Variants in CUX1 observed in about 807,000 individuals in gnomAD.
CUX1 encodes protein CASP.
CUX1 carries 31 observed loss-of-function variants against 158.8 expected under a neutral mutation model. That is an observed-to-expected ratio of 0.20 (90% confidence interval 0.15 to 0.26). CUX1 has a LOEUF of 0.26. Ranked by LOEUF, CUX1 falls within the 10% of genes least tolerant of loss-of-function variation. The pLI is 1.00. For missense variants in CUX1, 1,589 were observed against 2,014.6 expected, an observed-to-expected ratio of 0.79 and a Z score of 4.04; for synonymous variants, 879 against 862.1, an observed-to-expected ratio of 1.02 and a Z score of -0.34.
At chr7:101,947,782 C>G (rs1276617565) in intron 2 of CUX1, among the ~76,000 whole-genome samples, 2 of 151,944 alleles carry the variant, frequency 1.3e-5, no homozygotes, top group Non-Finnish European at 2.9e-5. Flanking sequence ...TGGATGTAGA[C>G]AAAAATGACT....
intron 18 of CUX1, among the ~76,000 whole-genome samples, chr7:102,279,278 T>C (rs1791870064): frequency 6.6e-6 from 1 of 151,934 alleles, no homozygotes; most frequent in South Asian, 2.1e-4. Context: ...GAGGTGGAGG[T>C]TGCAGTGAGC....
chr7:102,181,727 G>A (rs535206497), intron 11 of CUX1, among the ~76,000 whole-genome samples: 1 of 152,236 alleles, frequency 6.6e-6, no homozygotes, highest in South Asian at 2.1e-4. Flanking sequence ...CTTGTTGCCA[G>A]ATTGTCCTGA....
At position 101,923,609 on chromosome 7, in the gene CUX1, C is replaced by G. The variant is rs375665068; in HGVS notation, c.141+7384C>G. Among the ~76,000 whole-genome samples the G allele has an allele frequency of 1.1e-4, 16 of 152,322 alleles. No homozygotes were observed. In the East Asian group the frequency reaches 2.7e-3, roughly 26 times the overall value. ...GGGGCCGTCACTGGTCATTTTTGCC[C>G]TGATGTATTTTTGCCTCTACATTTC... On this transcript the variant is annotated intron_variant, in intron 2 of 23. Transcript: ENST00000292535.
chr7:102,074,367 C>T (rs750190861), intron 4 of CUX1, among the ~76,000 whole-genome samples: 4 of 152,222 alleles, frequency 2.6e-5, no homozygotes, highest in Admixed American at 2.6e-4. Context: ...GCCAAGCTGG[C>T]CCCAGGAACA....
downstream of CUX1, among the ~76,000 whole-genome samples, chr7:102,259,431 T>TA: frequency 6.6e-6 from 1 of 152,020 alleles, no homozygotes; most frequent in East Asian, 1.9e-4. Flanking sequence ...CTACTAAAAA[T>TA]ACAAAAATTA....
chr7:101,877,756 TTGTGTGTGTGTG>T (rs112494807), intron 1 of CUX1, among the ~76,000 whole-genome samples: 65,087 of 148,710 alleles, frequency 0.44, 14,579 homozygotes, highest in Middle Eastern at 0.49. Flanking sequence ...ATCCCTCCAA[TTGTGTGTGTGTG>T]TGTGTGTGTG....
At chr7:102,189,957 C>G in intron 12 of CUX1, 86 bp downstream of exon 12, 1 of 1,432,330 alleles carries the variant, frequency 7.0e-7, no homozygotes. Flanking sequence ...GGCAGGAAGC[C>G]TTGGCCCCCT....
chr7:102,141,130 A>C (rs1585874004), intron 8 of CUX1, among the ~76,000 whole-genome samples: 1 of 152,006 alleles, frequency 6.6e-6, no homozygotes, highest in Non-Finnish European at 1.5e-5. Context: ...CTAACACTTC[A>C]CAAGCAGAAT....
chr7:101,969,359 C>CAAAAAAAAAAAAAAAAAAAAAAAAACCAG (rs10711703), intron 2 of CUX1, among the ~76,000 whole-genome samples: 1 of 56,112 alleles, frequency 1.8e-5, no homozygotes. Flanking sequence ...CAAAAAACAG[C>CAAAAAAAAAAAAAAAAAAAAAAAAACCAG]AAAAAAAAAA....
chr7:102,007,075 G>A (rs921182772), intron 2 of CUX1, among the ~76,000 whole-genome samples: 4 of 152,088 alleles, frequency 2.6e-5, no homozygotes, highest in Middle Eastern at 3.4e-3. Context: ...CCCCATGCAC[G>A]GAGCCTAGAT....
chr7:101,900,358 G>T (rs536436127), intron 1 of CUX1, among the ~76,000 whole-genome samples: 1 of 152,158 alleles, frequency 6.6e-6, no homozygotes, highest in Non-Finnish European at 1.5e-5. Context: ...CACTTGCGAC[G>T]CCCGCTCTCT....
At chr7:102,213,722 C>T (rs1796776226) in intron 20 of CUX1, among the ~76,000 whole-genome samples, 1 of 152,184 alleles carries the variant, frequency 6.6e-6, no homozygotes, top group Admixed American at 6.5e-5. Context: ...AATGAAGAAG[C>T]TTAAATGCCT....
chr7:102,272,803 C>T (rs1201918868), intron 14 of CUX1, among the ~76,000 whole-genome samples: 2 of 152,162 alleles, frequency 1.3e-5, no homozygotes, highest in Non-Finnish European at 1.5e-5. Flanking sequence ...GACCACGCCA[C>T]CCCAACCACT....
chr7:101,958,897 C>T (rs182295071), intron 2 of CUX1, among the ~76,000 whole-genome samples: 69 of 143,648 alleles, frequency 4.8e-4, no homozygotes, highest in African/African-American at 1.8e-3. Context: ...CCCTGTCGCC[C>T]AAGCTGGACT....
chr7:102,020,330 C>T (rs17494372), intron 2 of CUX1, among the ~76,000 whole-genome samples: 19,022 of 152,172 alleles, frequency 0.13, 1,269 homozygotes, highest in Non-Finnish European at 0.15. Flanking sequence ...TGGGAAGTGA[C>T]GGTTTCAGTA....
chr7:101,912,252 C>T (rs1803578622), intron 1 of CUX1, among the ~76,000 whole-genome samples: 1 of 134,060 alleles, frequency 7.5e-6, no homozygotes, highest in Non-Finnish European at 1.6e-5. Context: ...CTCCCTCCTC[C>T]TCCTCTATCT....
chr7:101,919,311 TGTTTGGG>T (rs1008624264), intron 2 of CUX1, among the ~76,000 whole-genome samples: 1 of 152,044 alleles, frequency 6.6e-6, no homozygotes, highest in Admixed American at 6.5e-5. Flanking sequence ...GGTCACCGTT[TGTTTGGG>T]GTCTCAGTCT....
At chr7:102,123,760 T>G (rs1346192765) in intron 8 of CUX1, among the ~76,000 whole-genome samples, 1 of 152,072 alleles carries the variant, frequency 6.6e-6, no homozygotes. Context: ...CCTCCCGGTT[T>G]CAAACGATTT....
At chr7:102,060,840 C>G (rs1004651997) in intron 3 of CUX1, among the ~76,000 whole-genome samples, 1 of 150,442 alleles carries the variant, frequency 6.6e-6, no homozygotes, top group Admixed American at 6.6e-5. Flanking sequence ...TCTTGAATTC[C>G]TGACCTTGTG....
Sources: allele counts gnomAD v4.1 joint callset (sites outside exome capture counted in the v4.1 genomes callset), GRCh38; gene constraint gnomAD v4.1.1; transcripts MANE v1.5; gene names NCBI Gene and HGNC (gene_info 2026-07-23, HGNC 2026-07-21).